The following NAF1 variants were observed in gnomAD, a reference collection of about 807,000 sequenced individuals.
NAF1 encodes nuclear assembly factor 1 ribonucleoprotein, also known as H/ACA ribonucleoprotein complex non-core subunit NAF1.
NAF1 carries 11 observed loss-of-function variants against 40.6 expected under a neutral mutation model. That is an observed-to-expected ratio of 0.27 (90% CI 0.17 to 0.45). The LOEUF (loss-of-function observed/expected upper bound fraction) is 0.45, where lower values mean the gene tolerates loss of function less well. Ranked by LOEUF, NAF1 falls within the 20% of genes least tolerant of loss-of-function variation. The pLI is 1.00. For missense variants in NAF1, 607 were observed against 611.1 expected, an observed-to-expected ratio of 0.99 and a Z score of 0.07; for synonymous variants, 260 against 228.5, an observed-to-expected ratio of 1.14 and a Z score of -1.24.
downstream of NAF1, among the ~76,000 whole-genome samples, chr4:163,105,934 T>C (rs1730045181): frequency 6.6e-6 from 1 of 152,218 alleles, no homozygotes. Flanking sequence ...TATGAGCAAG[T>C]TGCCAATTAT....
chr4:163,125,226 G>A (rs1005942916), downstream of NAF1, among the ~76,000 whole-genome samples: 1 of 152,198 alleles, frequency 6.6e-6, no homozygotes, highest in Non-Finnish European at 1.5e-5. Flanking sequence ...TCAAGTGAAA[G>A]GAAGAGTTGT....
intron 6 of NAF1, 57 bp downstream of exon 6, chr4:163,137,142 A>G (rs1380719987): frequency 2.5e-6 from 4 of 1,591,258 alleles, no homozygotes; most frequent in Non-Finnish European, 1.7e-6. Flanking sequence ...GATAAAATTT[A>G]TAAGATTAAG....
intron 2 of NAF1, among the ~76,000 whole-genome samples, chr4:163,163,537 GAGA>G (rs1320665538): frequency 2.6e-5 from 4 of 152,076 alleles, no homozygotes; most frequent in Admixed American, 2.6e-4. Context: ...CTGAAATTCT[GAGA>G]AGGCTTTCCT....
chr4:163,166,216 A>C, intron 1 of NAF1, 147 bp downstream of exon 1: 1 of 1,010,576 alleles, frequency 9.9e-7, no homozygotes, highest in Non-Finnish European at 1.4e-6. Context: ...AGTCGGAGCC[A>C]ATACTTCAAC....
downstream of NAF1, among the ~76,000 whole-genome samples, chr4:163,109,159 CCT>C (rs1491148100): frequency 8.6e-6 from 1 of 115,896 alleles, no homozygotes; most frequent in East Asian, 2.7e-4. Context: ...TCCTTTTCAC[CCT>C]TTTTTTTTTT....
chr4:163,132,251 A>C (rs1730901853), intron 7 of NAF1, among the ~76,000 whole-genome samples: 1 of 152,236 alleles, frequency 6.6e-6, no homozygotes, highest in Non-Finnish European at 1.5e-5. Context: ...CTCTTTTCAC[A>C]AAAAACCTGT....
rs576193148 is a variant in NAF1 at position 163,120,887 on chromosome 4, G to A, written c.115-10597C>T. Reference sequence around the variant, plus strand: ...GCTAGTAGCTCAAAACAAGTCCTTTGGTCTGATTTATTTATTTTTTTTGAG... The same window carrying A: ...GCTAGTAGCTCAAAACAAGTCCTTTAGTCTGATTTATTTATTTTTTTTGAG... On this transcript the variant is annotated intron_variant, in intron 2 of 2. Transcript: ENST00000509434. 3.3e-5 allele frequency among the ~76,000 whole-genome samples: 5 copies of A among 151,912 alleles called. No individual in the cohort carries two copies. The East Asian group carries it at 9.7e-4, about 29-fold the overall frequency.
Position 163,166,506 on chromosome 4 carries a change from G to C in NAF1, c.222C>G (p.Val74=), listed in dbSNP as rs1253574102. ...EQPLQPVLNA[V]AAGTPAPQPQ... is the part of the protein sequence containing the mutation. ...GCTGCGGCGCCGGGGTCCCGGCCGC[G>C]ACGGCGTTCAGAACGGGCTGCAGAG... Residue 74 remains valine (V), a synonymous_variant, in exon 1 of 8, where the codon GTC becomes GTG. Coordinates refer to ENST00000274054, the MANE Select transcript of NAF1 (RefSeq NM_138386.3). 2 of 1,598,832 alleles carry C rather than the reference G, an allele frequency of 1.3e-6. No homozygotes were observed. The highest frequency in any genetic ancestry group is 1.7e-6 in the Non-Finnish European group (2 of 1,172,662).
chr4:163,147,108 G>A (rs1239713209), intron 3 of NAF1, among the ~76,000 whole-genome samples: 1 of 152,070 alleles, frequency 6.6e-6, no homozygotes, highest in African/African-American at 2.4e-5. Flanking sequence ...TAAATGTAAT[G>A]ATTCCAGAAT....
At chr4:163,155,949 GA>G (rs1731969215) in intron 2 of NAF1, among the ~76,000 whole-genome samples, 1 of 140,894 alleles carries the variant, frequency 7.1e-6, no homozygotes, top group South Asian at 2.5e-4. Context: ...GAGGTGATAG[GA>G]AAGGCCTGGG....
intron 1 of NAF1, 63 bp downstream of exon 1, chr4:163,166,300 C>G: frequency 6.6e-7 from 1 of 1,509,858 alleles, no homozygotes. Flanking sequence ...TCCTAGGCCC[C>G]AGCCACCCCC....
chr4:163,148,443 TAAAAC>T lies in NAF1; in HGVS notation c.541-14_541-10del, dbSNP rs753001707. ...TCAACAGAAGGCAGTTCCTATAATT[TAAAAC>T]AAAACAAAACATTAAACTTCCTCCA... On this transcript the variant is annotated splice_polypyrimidine_tract_variant and intron_variant, in intron 2 of 7. Coordinates refer to ENST00000274054, the MANE Select transcript of NAF1 (RefSeq NM_138386.3). The T allele has an allele frequency of 2.3e-5, 36 of 1,541,906 alleles. 1 individual carries two copies. In the African/African-American group the frequency reaches 3.5e-4, roughly 15 times the overall value.
intron 2 of NAF1, chr4:163,157,479 A>C (rs770261933): frequency 1.2e-4 from 19 of 152,156 alleles, no homozygotes; most frequent in Admixed American, 9.8e-4. Context: ...GAAACTGAGC[A>C]CAAGTTCTAA....
chr4:163,104,186 C>A, the NAF1 span, among the ~76,000 whole-genome samples: 1 of 152,006 alleles, frequency 6.6e-6, no homozygotes, highest in South Asian at 2.1e-4. Flanking sequence ...ATCACAATGG[C>A]GCAATGTCAT....
chr4:163,126,936 T>C (rs1342161018), downstream of NAF1: 17 of 1,526,698 alleles, frequency 1.1e-5, no homozygotes, highest in Non-Finnish European at 1.5e-5. Context: ...CAGTAAAGTA[T>C]TCTCCAATTG....
intron 2 of NAF1, among the ~76,000 whole-genome samples, chr4:163,115,868 CAT>C (rs1730321885): frequency 1.3e-5 from 2 of 152,284 alleles, no homozygotes; most frequent in South Asian, 4.1e-4. Context: ...AGCTGTTTTG[CAT>C]AATTCTTCCC....
intron 5 of NAF1, 74 bp downstream of exon 5, chr4:163,140,149 T>C: frequency 8.1e-7 from 1 of 1,233,934 alleles, no homozygotes; most frequent in Non-Finnish European, 1.1e-6. Context: ...CTGTAAGAAA[T>C]TACATCACTG....
chr4:163,106,515 G>A (rs17655479), downstream of NAF1, among the ~76,000 whole-genome samples: 4,543 of 152,016 alleles, frequency 0.03, 146 homozygotes, highest in East Asian at 0.16. Flanking sequence ...CTAGTCTAGC[G>A]TTTCCATTTT....
At chr4:163,144,864 T>G (rs1731401400) in intron 4 of NAF1, among the ~76,000 whole-genome samples, 1 of 152,206 alleles carries the variant, frequency 6.6e-6, no homozygotes. Flanking sequence ...TTTAGAGGTT[T>G]TAATTTAGCA....
Sources: gnomAD v4.1 joint callset for allele counts (sites outside exome capture counted in the v4.1 genomes callset) on GRCh38, gnomAD v4.1.1 for gene constraint, MANE v1.5 for transcripts, NCBI Gene and HGNC (gene_info 2026-07-23, HGNC 2026-07-21) for gene names.